Variants in DOCK10 observed in about 807,000 individuals in gnomAD.
The protein encoded by DOCK10 is dedicator of cytokinesis protein 10.
Under a neutral mutation model 280.1 loss-of-function variants are expected in DOCK10, and 145 were observed. The observed-to-expected ratio is 0.52, with a 90% confidence interval of 0.45 to 0.59. The LOEUF is 0.59. DOCK10 is among the 20% of genes least tolerant of loss of function. DOCK10 has a pLI of 0.00. For synonymous variants in DOCK10, 915 were observed against 942.2 expected, an observed-to-expected ratio of 0.97 and a Z score of 0.53; for missense variants, 2,368 against 2,651.7, an observed-to-expected ratio of 0.89 and a Z score of 2.35.
chr2:224,840,963 A>G (rs1159726434), intron 23 of DOCK10, among the ~76,000 whole-genome samples: 1 of 152,212 alleles, frequency 6.6e-6, no homozygotes, highest in Non-Finnish European at 1.5e-5. Context: ...TTGCAACAAC[A>G]TGGAGGAACC....
chr2:224,814,207 A>G, intron 31 of DOCK10, 113 bp downstream of exon 31: 1 of 500,400 alleles, frequency 2.0e-6, no homozygotes, highest in East Asian at 3.5e-5. Flanking sequence ...TTTTTATCAT[A>G]TGATATTAAA....
intron 3 of DOCK10, among the ~76,000 whole-genome samples, chr2:224,897,507 AT>A (rs974533461): frequency 1.8e-4 from 27 of 152,112 alleles, no homozygotes; most frequent in African/African-American, 6.5e-4. Flanking sequence ...TTATTCATTC[AT>A]TCTAGCTATT....
At position 224,805,474 on chromosome 2, in the gene DOCK10, T is replaced by C; in HGVS notation, c.3870A>G (p.Leu1290=). The C allele has an allele frequency of 6.2e-7, 1 of 1,612,756 alleles. No homozygotes were observed. Among genetic ancestry groups the C allele is most frequent in the East Asian group, 2.2e-5 (1 of 44,854 alleles). ...TVNHADSRAS[L]ASLDSNPSTN... is the part of the protein sequence containing the mutation. ...TACTTGGATTGGAGTCAAGACTTGC[T>C]AAAGATGCTCTGGAGTCAGCATGGT... The change falls in exon 35 of 56, where the codon TTA becomes TTG. Residue 1290 remains leucine (L), a synonymous_variant. Coordinates refer to ENST00000258390, the MANE Select transcript of DOCK10 (RefSeq NM_014689.3). This position sits in a 1 kb window ranked among gnomAD's most constrained non-coding sequence, Gnocchi z 4.3.
At chr2:225,030,805 A>G (rs1331375549) in intron 1 of DOCK10, among the ~76,000 whole-genome samples, 1 of 152,178 alleles carries the variant, frequency 6.6e-6, no homozygotes, top group Non-Finnish European at 1.5e-5. Context: ...ATTTTATACA[A>G]TGTATTGTAT....
chr2:224,990,688 T>G (rs1270788557), intron 1 of DOCK10, among the ~76,000 whole-genome samples: 2 of 152,188 alleles, frequency 1.3e-5, no homozygotes, highest in African/African-American at 2.4e-5. Context: ...GAATGGGTGT[T>G]GCATATGTCT....
At chr2:224,810,888 T>G (rs1693726581) in intron 31 of DOCK10, among the ~76,000 whole-genome samples, 1 of 152,132 alleles carries the variant, frequency 6.6e-6, no homozygotes, top group African/African-American at 2.4e-5. Flanking sequence ...CTATCATTGT[T>G]GGACATTTGG....
intron 2 of DOCK10, among the ~76,000 whole-genome samples, chr2:224,925,235 T>C (rs1701987181): frequency 6.6e-6 from 1 of 151,992 alleles, no homozygotes; most frequent in African/African-American, 2.4e-5. Context: ...GTTTAAAACA[T>C]ATTCAAATCT....
At chr2:224,831,553 T>C (rs1350566129) in intron 26 of DOCK10, among the ~76,000 whole-genome samples, 3 of 152,256 alleles carry the variant, frequency 2.0e-5, no homozygotes, top group African/African-American at 4.8e-5. Flanking sequence ...TCAAAACTTA[T>C]GTCACCTAAA....
intron 1 of DOCK10, among the ~76,000 whole-genome samples, chr2:225,037,182 T>C (rs969580293): frequency 2.0e-5 from 3 of 152,186 alleles, no homozygotes; most frequent in Admixed American, 6.5e-5. Flanking sequence ...TCATGCTCTT[T>C]CACAATTTTC....
At chr2:224,984,013 A>G (rs1389642333) in intron 1 of DOCK10, among the ~76,000 whole-genome samples, 1 of 152,170 alleles carries the variant, frequency 6.6e-6, no homozygotes, top group Non-Finnish European at 1.5e-5. Flanking sequence ...CTTGAGACAA[A>G]GGGCAGAGTG....
At chr2:224,980,334 A>G (rs1014986917) in intron 1 of DOCK10, among the ~76,000 whole-genome samples, 3 of 152,250 alleles carry the variant, frequency 2.0e-5, no homozygotes, top group Non-Finnish European at 4.4e-5. Context: ...TCAAACCACC[A>G]TCTTGGAAAA....
chr2:224,794,500 T>C (rs16866183), intron 45 of DOCK10, among the ~76,000 whole-genome samples: 36,681 of 152,202 alleles, frequency 0.24, 5,547 homozygotes, highest in East Asian at 0.74. Context: ...TAACTCACTA[T>C]GGTGGCAAGC....
At chr2:225,010,366 C>G (rs1351349258) in intron 1 of DOCK10, 1 of 152,020 alleles carries the variant, frequency 6.6e-6, no homozygotes, top group Non-Finnish European at 1.5e-5. Context: ...GTATGAAGAA[C>G]TGGGGAGGTG....
At chr2:224,833,902 T>G (rs1695414981) in intron 26 of DOCK10, among the ~76,000 whole-genome samples, 1 of 152,198 alleles carries the variant, frequency 6.6e-6, no homozygotes. Context: ...TCTGCCCATC[T>G]CAGCCTCCTA....
At chr2:225,028,874 C>T (rs981424530) in intron 1 of DOCK10, among the ~76,000 whole-genome samples, 6 of 152,186 alleles carry the variant, frequency 3.9e-5, no homozygotes, top group Non-Finnish European at 7.3e-5. Flanking sequence ...ACAGACATCA[C>T]ATATTCAAGA....
At chr2:224,809,244 C>T (rs1174366346) in intron 31 of DOCK10, among the ~76,000 whole-genome samples, 5 of 152,050 alleles carry the variant, frequency 3.3e-5, no homozygotes, top group Admixed American at 3.3e-4. Flanking sequence ...CTTGCACGTA[C>T]AAGAAAACAT....
At chr2:224,768,699 C>A (rs1690216756) in intron 55 of DOCK10, among the ~76,000 whole-genome samples, 1 of 152,060 alleles carries the variant, frequency 6.6e-6, no homozygotes, top group Admixed American at 6.5e-5. Context: ...AATCATGAGG[C>A]TTTTCCCCCC....
At chr2:225,035,542 TTATATATATA>T (rs57424275) in intron 1 of DOCK10, among the ~76,000 whole-genome samples, 1,925 of 50,010 alleles carry the variant, frequency 0.038, 114 homozygotes, top group East Asian at 0.09. Context: ...ATGATATATA[TTATATATATA>T]TATATATATA....
At chr2:224,933,994 A>G (rs146799835) in intron 1 of DOCK10, among the ~76,000 whole-genome samples, 1 of 152,304 alleles carries the variant, frequency 6.6e-6, no homozygotes, top group Non-Finnish European at 1.5e-5. Flanking sequence ...TCCCACCTAA[A>G]TTAGTACAAT....
Sources: allele counts gnomAD v4.1 joint callset (sites outside exome capture counted in the v4.1 genomes callset), GRCh38; gene constraint gnomAD v4.1.1; non-coding constraint Gnocchi (gnomAD v3.1); transcripts MANE v1.5; gene names NCBI Gene and HGNC (gene_info 2026-07-23, HGNC 2026-07-21).